AKAP7: variants seen among roughly 807,000 people sequenced by gnomAD.
The protein encoded by AKAP7 is A-kinase anchoring protein 7, also known as A kinase (PRKA) anchor protein 7.
In AKAP7, 39 loss-of-function variants were observed where a neutral mutation model predicts 39.5. The ratio of observed to expected loss-of-function variants is 0.99; its 90% CI spans 0.76 to 1.29. The LOEUF is 1.29. Among genes scored for constraint, AKAP7 ranks in the 50% most tolerant of loss-of-function variants. The pLI, the probability that AKAP7 is intolerant of heterozygous loss-of-function variation, is 0.00. For synonymous variants in AKAP7, 140 were observed against 139.1 expected, an observed-to-expected ratio of 1.01 and a Z score of -0.05; for missense variants, 414 against 407.7, an observed-to-expected ratio of 1.02 and a Z score of -0.13.
intron 7 of AKAP7, among the ~76,000 whole-genome samples, chr6:131,232,167 C>A (rs1281058270): frequency 6.6e-6 from 1 of 152,138 alleles, no homozygotes; most frequent in African/African-American, 2.4e-5. Context: ...CTTAGGAACC[C>A]TGCATATTAA....
At chr6:131,137,220 G>C (rs1800627931) in intron 1 of AKAP7, among the ~76,000 whole-genome samples, 1 of 151,932 alleles carries the variant, frequency 6.6e-6, no homozygotes, top group South Asian at 2.1e-4. Flanking sequence ...CTGAGTGCTG[G>C]GATTACACGT....
chr6:131,173,981 A>G (rs1804333146), intron 5 of AKAP7, among the ~76,000 whole-genome samples: 1 of 152,228 alleles, frequency 6.6e-6, no homozygotes, highest in African/African-American at 2.4e-5. Flanking sequence ...CACCAGCTTT[A>G]ATATGAATAT....
intron 7 of AKAP7, among the ~76,000 whole-genome samples, chr6:131,269,590 C>T (rs1322005268): frequency 6.6e-6 from 1 of 152,112 alleles, no homozygotes; most frequent in Non-Finnish European, 1.5e-5. Context: ...AACCAGTCAG[C>T]AAAACAAACT....
intron 2 of AKAP7, among the ~76,000 whole-genome samples, chr6:131,155,917 A>G (rs1327725995): frequency 6.6e-6 from 1 of 152,174 alleles, no homozygotes. Flanking sequence ...ACTCTCATAC[A>G]TTGTATGCTC....
intron 7 of AKAP7, chr6:131,252,966 C>T: frequency 6.6e-7 from 1 of 1,517,522 alleles, no homozygotes; most frequent in Non-Finnish European, 9.1e-7. Flanking sequence ...TTGAAGGTAG[C>T]CCAAATTATG....
chr6:131,153,534 T>C lies in AKAP7; in HGVS notation c.152-6525T>C, dbSNP rs562484300. 9.5e-5 allele frequency among the ~76,000 whole-genome samples: 14 copies of C among 147,948 alleles called. No individual in the cohort carries two copies. The South Asian group carries it at 3.0e-3, about 32-fold the overall frequency. Reference sequence around the variant, plus strand: ...TAACCATTACCTTGAGAGATTATGATTTTTTTTTTTGCAAAATGGATTTAT... The same window carrying C: ...TAACCATTACCTTGAGAGATTATGACTTTTTTTTTTGCAAAATGGATTTAT... On this transcript the variant is annotated intron_variant, in intron 2 of 7. Coordinates refer to ENST00000431975, the MANE Select transcript of AKAP7 (RefSeq NM_016377.4).
chr6:131,160,644 A>C (rs1025277590), intron 3 of AKAP7, among the ~76,000 whole-genome samples: 2 of 152,260 alleles, frequency 1.3e-5, no homozygotes, highest in Non-Finnish European at 2.9e-5. Context: ...AGAAATGACC[A>C]GTTGAAAAAA....
At chr6:131,126,693 C>T in the AKAP7 span, among the ~76,000 whole-genome samples, 5 of 152,140 alleles carry the variant, frequency 3.3e-5, no homozygotes, top group African/African-American at 7.2e-5. Flanking sequence ...ATGCTCGTGG[C>T]GTGAATGGGC....
At chr6:131,254,031 A>G (rs1256354936) in intron 7 of AKAP7, among the ~76,000 whole-genome samples, 1 of 152,222 alleles carries the variant, frequency 6.6e-6, no homozygotes, top group Non-Finnish European at 1.5e-5. Context: ...TGGGCTGAAT[A>G]GTCAAATACA....
intron 7 of AKAP7, among the ~76,000 whole-genome samples, chr6:131,273,723 G>A (rs765333188): frequency 1.3e-5 from 2 of 151,988 alleles, no homozygotes; most frequent in Admixed American, 6.6e-5. Flanking sequence ...TTTTACTTAC[G>A]TATGTACAGT....
chr6:131,141,613 G>T (rs894315021), intron 1 of AKAP7, among the ~76,000 whole-genome samples: 3 of 152,174 alleles, frequency 2.0e-5, no homozygotes, highest in Non-Finnish European at 4.4e-5. Flanking sequence ...AGAAGAGTTT[G>T]GAGGGCTCAG....
rs1469254052 is a variant in AKAP7 at position 131,205,383 on chromosome 6, C to T, written c.702+5810C>T. Among the ~76,000 whole-genome samples, 12 of 151,934 alleles carry T rather than the reference C, an allele frequency of 7.9e-5. No homozygotes were observed. The East Asian group carries it at 2.1e-3, about 27-fold the overall frequency. On this transcript the variant is annotated intron_variant, in intron 6 of 7. Coordinates refer to ENST00000431975, the MANE Select transcript of AKAP7 (RefSeq NM_016377.4). ...GATGAGCATTCACCCCCTGGGAGGT[C>T]GTACAGATCTAGTGTGAGGGTTTCC...
intron 5 of AKAP7, among the ~76,000 whole-genome samples, chr6:131,195,824 C>T (rs373767408): frequency 5.1e-4 from 78 of 152,240 alleles, no homozygotes; most frequent in African/African-American, 1.8e-3. Context: ...CATATTGGAG[C>T]TCCAGTGTAT....
At chr6:131,161,248 A>T (rs563896051) in intron 3 of AKAP7, among the ~76,000 whole-genome samples, 6 of 152,202 alleles carry the variant, frequency 3.9e-5, no homozygotes, top group Non-Finnish European at 7.3e-5. Flanking sequence ...ACAAGAGAAG[A>T]GTTACCTAGC....
chr6:131,247,620 A>G (rs979408979), intron 7 of AKAP7, among the ~76,000 whole-genome samples: 4 of 149,854 alleles, frequency 2.7e-5, no homozygotes, highest in African/African-American at 9.9e-5. Context: ...GCGCCTGGCC[A>G]TATTTTATTT....
At chr6:131,140,629 AC>A (rs1364236337) in intron 1 of AKAP7, among the ~76,000 whole-genome samples, 7 of 152,200 alleles carry the variant, frequency 4.6e-5, no homozygotes, top group Non-Finnish European at 8.8e-5. Flanking sequence ...ATTTTTTATC[AC>A]TAAATTCTTA....
intron 2 of AKAP7, among the ~76,000 whole-genome samples, chr6:131,149,517 C>T (rs12665724): frequency 0.033 from 4,955 of 152,238 alleles, 259 homozygotes; most frequent in East Asian, 0.18. Context: ...TACCTGTAAG[C>T]CCAGCTACTA....
At chr6:131,273,182 G>A (rs79433510) in intron 7 of AKAP7, among the ~76,000 whole-genome samples, 3,173 of 151,972 alleles carry the variant, frequency 0.021, 100 homozygotes, top group African/African-American at 0.069. Flanking sequence ...ACCTTTTTCC[G>A]TATTATTACC....
At chr6:131,216,666 G>C (rs1809209646) in intron 6 of AKAP7, among the ~76,000 whole-genome samples, 1 of 152,156 alleles carries the variant, frequency 6.6e-6, no homozygotes, top group East Asian at 1.9e-4. Context: ...ACTTTTTTCT[G>C]TTTGACGTTT....
Sources: allele counts gnomAD v4.1 joint callset (sites outside exome capture counted in the v4.1 genomes callset), GRCh38; gene constraint gnomAD v4.1.1; transcripts MANE v1.5; gene names NCBI Gene and HGNC (gene_info 2026-07-23, HGNC 2026-07-21).